Variants in SLCO1B1 observed in about 807,000 individuals in gnomAD.
SLCO1B1 encodes the protein solute carrier organic anion transporter family member 1B1.
Under a neutral mutation model 70.1 loss-of-function variants are expected in SLCO1B1, and 81 were observed. The observed-to-expected ratio is 1.16, with a 90% CI of 0.97 to 1.39. The LOEUF is 1.39. Ranked by LOEUF, SLCO1B1 falls within the 40% of genes most tolerant of loss-of-function variation. The pLI, the probability that SLCO1B1 is intolerant of heterozygous loss-of-function variation, is 0.00. For synonymous variants in SLCO1B1, 283 were observed against 271.5 expected, an observed-to-expected ratio of 1.04 and a Z score of -0.42; for missense variants, 895 against 799.6, an observed-to-expected ratio of 1.12 and a Z score of -1.44.
At chr12:21,134,511 G>T (rs189202535) in intron 1 of SLCO1B1, among the ~76,000 whole-genome samples, 56 of 152,144 alleles carry the variant, frequency 3.7e-4, no homozygotes, top group African/African-American at 6.5e-4. Context: ...CAATTTCAGA[G>T]CCTGTTATTG....
At chr12:21,225,719 T>G (rs1289036168) in intron 14 of SLCO1B1, among the ~76,000 whole-genome samples, 1 of 152,052 alleles carries the variant, frequency 6.6e-6, no homozygotes, top group Non-Finnish European at 1.5e-5. Context: ...CTCTTAAACA[T>G]CAGCAAAAAA....
intron 1 of SLCO1B1, among the ~76,000 whole-genome samples, chr12:21,132,178 T>C (rs1242351611): frequency 6.6e-6 from 1 of 152,130 alleles, no homozygotes; most frequent in Non-Finnish European, 1.5e-5. Context: ...ATCATTTTTA[T>C]GGCTGCATAG....
At chr12:21,200,225 C>A (rs556036655) in intron 8 of SLCO1B1, among the ~76,000 whole-genome samples, 2 of 152,156 alleles carry the variant, frequency 1.3e-5, no homozygotes, top group South Asian at 4.2e-4. Flanking sequence ...CCCAGGATAA[C>A]CAAATATTAA....
intron 7 of SLCO1B1, among the ~76,000 whole-genome samples, chr12:21,195,368 C>G (rs1941079342): frequency 1.3e-5 from 2 of 152,128 alleles, no homozygotes; most frequent in Non-Finnish European, 2.9e-5. Flanking sequence ...CACATGCTAT[C>G]CAATTTTTTC....
chr12:21,166,728 AG>A (rs2121087992), intron 2 of SLCO1B1, among the ~76,000 whole-genome samples: 1 of 152,342 alleles, frequency 6.6e-6, no homozygotes, highest in African/African-American at 2.4e-5. Context: ...ATATTCTAAT[AG>A]TTTCTTACAA....
At chr12:21,139,517 AT>A (rs1940277813) in intron 1 of SLCO1B1, among the ~76,000 whole-genome samples, 1 of 152,218 alleles carries the variant, frequency 6.6e-6, no homozygotes, top group African/African-American at 2.4e-5. Context: ...TTTATGCACT[AT>A]CCCTTAAATA....
At chr12:21,144,805 C>T (rs950946878) in intron 2 of SLCO1B1, among the ~76,000 whole-genome samples, 1 of 152,124 alleles carries the variant, frequency 6.6e-6, no homozygotes, top group Non-Finnish European at 1.5e-5. Context: ...ATTTTATATT[C>T]TGCCAAACTA....
intron 11 of SLCO1B1, among the ~76,000 whole-genome samples, chr12:21,212,041 T>C (rs970144895): frequency 6.8e-6 from 1 of 147,696 alleles, no homozygotes; most frequent in Admixed American, 6.7e-5. Context: ...TTTTGAAGGT[T>C]TTTTTTTGTG....
At chr12:21,132,358 G>T (rs949516305) in intron 1 of SLCO1B1, among the ~76,000 whole-genome samples, 2 of 152,066 alleles carry the variant, frequency 1.3e-5, no homozygotes, top group African/African-American at 4.8e-5. Context: ...TCCACTTATG[G>T]GATGGCTGGG....
chr12:21,195,855 C>T lies in SLCO1B1; in HGVS notation c.728-1091C>T, dbSNP rs181651023. 3.9e-3 allele frequency among the ~76,000 whole-genome samples: 592 copies of T among 152,234 alleles called. 5 individuals carry two copies. Among genetic ancestry groups the T allele is most frequent in the Non-Finnish European group, 5.1e-3 (349 of 68,020 alleles). ...CAAGATAGGTGATATAGAAGACAGT[C>T]GCAAGGGTAGTACCTGAAAAGTTAC... is the stretch of plus-strand genomic sequence containing the variant. On this transcript the variant is annotated intron_variant, in intron 7 of 14. Transcript: ENST00000256958.
intron 1 of SLCO1B1, among the ~76,000 whole-genome samples, chr12:21,136,005 C>T (rs926561209): frequency 6.6e-6 from 1 of 152,102 alleles, no homozygotes; most frequent in East Asian, 1.9e-4. Context: ...GTGCTTCCTT[C>T]AGGAGCTCTT....
At chr12:21,136,395 A>T (rs1940221395) in intron 1 of SLCO1B1, among the ~76,000 whole-genome samples, 1 of 152,058 alleles carries the variant, frequency 6.6e-6, no homozygotes, top group Admixed American at 6.6e-5. Flanking sequence ...TAGATTGGGG[A>T]AGTTCTCCTG....
chr12:21,138,524 G>A (rs1204014688), intron 1 of SLCO1B1, among the ~76,000 whole-genome samples: 1 of 152,132 alleles, frequency 6.6e-6, no homozygotes, highest in Admixed American at 6.5e-5. Context: ...TAGTTACTTT[G>A]TAGTAACTTA....
chr12:21,160,910 A>G (rs534583760), intron 2 of SLCO1B1, among the ~76,000 whole-genome samples: 1 of 152,312 alleles, frequency 6.6e-6, no homozygotes, highest in East Asian at 1.9e-4. Context: ...CTTGAAAAAA[A>G]GGCCAATATT....
At chr12:21,237,631 T>C (rs1565447195) in intron 14 of SLCO1B1, among the ~76,000 whole-genome samples, 1 of 152,152 alleles carries the variant, frequency 6.6e-6, no homozygotes, top group Non-Finnish European at 1.5e-5. Context: ...GAATTGTTTG[T>C]AACTCAAAGG....
rs1941002171 is a variant in SLCO1B1, at chr12:21,189,426, G to A, written c.728-7520G>A. On this transcript the variant is annotated intron_variant, in intron 7 of 14. Coordinates refer to ENST00000256958, the MANE Select transcript of SLCO1B1 (RefSeq NM_006446.5). ...CTTCTTTGGAGAAATTTCTATTCAG[G>A]TATGTAGCCTAATTGTTTTTTCAAA... 2.0e-5 allele frequency among the ~76,000 whole-genome samples: 3 copies of A among 150,910 alleles called. No individual in the cohort carries two copies. In the South Asian group the frequency reaches 6.3e-4, roughly 32 times the overall value.
At chr12:21,165,404 C>A (rs992923025) in intron 2 of SLCO1B1, among the ~76,000 whole-genome samples, 1 of 151,936 alleles carries the variant, frequency 6.6e-6, no homozygotes. Flanking sequence ...ATTTAGGGAG[C>A]CACACATATG....
intron 2 of SLCO1B1, chr12:21,164,876 A>G (rs4149033): frequency 0.8 from 380,067 of 476,994 alleles, 152,317 homozygotes; most frequent in South Asian, 0.92. Flanking sequence ...GGCAATTATA[A>G]AACTCAATAC....
At chr12:21,161,344 A>G (rs7966140) in intron 2 of SLCO1B1, among the ~76,000 whole-genome samples, 9,583 of 152,270 alleles carry the variant, frequency 0.063, 425 homozygotes, top group Non-Finnish European at 0.097. Context: ...AAAGAACAAG[A>G]TCATGTCTTT....
Sources: allele counts gnomAD v4.1 joint callset (sites outside exome capture counted in the v4.1 genomes callset), GRCh38; gene constraint gnomAD v4.1.1; transcripts MANE v1.5; gene names NCBI Gene and HGNC (gene_info 2026-07-23, HGNC 2026-07-21).